The following MGAT4C variants were observed in gnomAD, a reference collection of about 807,000 sequenced individuals.
MGAT4C encodes MGAT4 family member C.
Under a neutral mutation model 40.1 loss-of-function variants are expected in MGAT4C, and 19 were observed. That is an observed-to-expected ratio of 0.47 (90% CI 0.33 to 0.70). The LOEUF is 0.70. Among genes scored for constraint, MGAT4C ranks in the 30% least tolerant of loss-of-function variants. The probability of loss-of-function intolerance (pLI) is 0.02; values close to 1 mark genes in which losing one functional copy is unlikely to be tolerated. For missense variants in MGAT4C, 491 were observed against 563.2 expected, an observed-to-expected ratio of 0.87 and a Z score of 1.30; for synonymous variants, 181 against 187.1, an observed-to-expected ratio of 0.97 and a Z score of 0.27.
At chr12:86,245,742 T>A (rs1951998398) in intron 1 of MGAT4C, among the ~76,000 whole-genome samples, 1 of 152,210 alleles carries the variant, frequency 6.6e-6, no homozygotes, top group Admixed American at 6.5e-5. Context: ...TTTTTCAAAC[T>A]ATTTTGGAAA....
At chr12:86,584,026 A>T (rs1960900053) in intron 2 of MGAT4C, among the ~76,000 whole-genome samples, 1 of 151,060 alleles carries the variant, frequency 6.6e-6, no homozygotes, top group Non-Finnish European at 1.5e-5. Flanking sequence ...ATCAGAAGAT[A>T]ATTGGCTCAT....
chr12:86,723,494 G>T (rs1358950764), intron 2 of MGAT4C, among the ~76,000 whole-genome samples: 2 of 152,126 alleles, frequency 1.3e-5, no homozygotes, highest in African/African-American at 4.8e-5. Context: ...GGGGCTCTTT[G>T]TCTGTCGCTG....
chr12:86,419,728 A>G (rs1477110959), intron 3 of MGAT4C, among the ~76,000 whole-genome samples: 1 of 152,184 alleles, frequency 6.6e-6, no homozygotes, highest in East Asian at 1.9e-4. Context: ...GTGGATGGTA[A>G]TGAAAGAAAA....
At chr12:86,727,571 T>C (rs916771014) in intron 1 of MGAT4C, among the ~76,000 whole-genome samples, 2 of 151,818 alleles carry the variant, frequency 1.3e-5, no homozygotes. Context: ...AAAAAAAAGA[T>C]ATTAATAGTA....
chr12:86,780,596 ATTG>A (rs1323804553), intron 1 of MGAT4C, among the ~76,000 whole-genome samples: 3 of 152,204 alleles, frequency 2.0e-5, no homozygotes, highest in Non-Finnish European at 2.9e-5. Flanking sequence ...TTCTGCCATG[ATTG>A]TTAAGTTTCC....
intron 2 of MGAT4C, among the ~76,000 whole-genome samples, chr12:86,671,741 C>T (rs185226956): frequency 2.0e-5 from 3 of 151,934 alleles, no homozygotes; most frequent in East Asian, 1.9e-4. Flanking sequence ...GAGAACTCAG[C>T]GAGAGGATGT....
chr12:86,211,440 A>T (rs1218712166), intron 1 of MGAT4C, among the ~76,000 whole-genome samples: 38 of 122,550 alleles, frequency 3.1e-4, no homozygotes, highest in Non-Finnish European at 5.5e-4. Context: ...AAAAAAAATT[A>T]GCCGGGCGTG....
chr12:86,499,768 A>G (rs1250761324), intron 2 of MGAT4C, among the ~76,000 whole-genome samples: 1 of 152,010 alleles, frequency 6.6e-6, no homozygotes, highest in Non-Finnish European at 1.5e-5. Context: ...ACTGTGACAC[A>G]GTAGTTTAGA....
At chr12:86,283,261 A>G (rs1953264566) in intron 4 of MGAT4C, among the ~76,000 whole-genome samples, 2 of 151,976 alleles carry the variant, frequency 1.3e-5, no homozygotes, top group South Asian at 4.1e-4. Flanking sequence ...TACTTCTCAC[A>G]TCCCTATTCT....
intron 1 of MGAT4C, among the ~76,000 whole-genome samples, chr12:86,206,925 C>T (rs1341494343): frequency 1.3e-5 from 2 of 152,022 alleles, no homozygotes; most frequent in Non-Finnish European, 2.9e-5. Context: ...AAACATTTGC[C>T]AAATAACTGC....
intron 2 of MGAT4C, among the ~76,000 whole-genome samples, chr12:86,032,763 G>C (rs1261411960): frequency 6.7e-6 from 1 of 149,640 alleles, no homozygotes; most frequent in South Asian, 2.1e-4. Flanking sequence ...AAGCTTTTCA[G>C]TTTAATTAGG....
chr12:86,769,837 G>A (rs1951595915), intron 1 of MGAT4C, among the ~76,000 whole-genome samples: 2 of 152,062 alleles, frequency 1.3e-5, no homozygotes, highest in Non-Finnish European at 2.9e-5. Context: ...GACACAGGAA[G>A]GGGAACATCA....
intron 2 of MGAT4C, among the ~76,000 whole-genome samples, chr12:86,522,970 G>A (rs369994024): frequency 6.6e-6 from 1 of 151,760 alleles, no homozygotes; most frequent in African/African-American, 2.4e-5. Context: ...ATTTCTAATT[G>A]TGTTTATCTG....
chr12:85,977,806 AC>A lies in MGAT4C; in HGVS notation c.*1482del, dbSNP rs1884114037. Reference sequence around the variant, plus strand: ...CACACACACACACACACACACACACACACACACACACACACACACACACACA... The same window carrying A: ...CACACACACACACACACACACACACAACACACACACACACACACACACACA... On this transcript the variant is annotated 3_prime_UTR_variant, in exon 5 of 5. Coordinates refer to ENST00000611864, the MANE Select transcript of MGAT4C (RefSeq NM_001351288.2). 2.3e-5 allele frequency: 3 copies of A among 130,072 alleles called. No individual in the cohort carries two copies. The highest frequency in any genetic ancestry group is 2.5e-5 in the African/African-American group (1 of 39,450). 8.1% of individuals were successfully genotyped at this position (130,072 alleles called of 1,614,324 possible).
chr12:86,774,342 T>TCA (rs1951707874), intron 1 of MGAT4C, among the ~76,000 whole-genome samples: 1 of 88,212 alleles, frequency 1.1e-5, no homozygotes, highest in South Asian at 4.7e-4. Context: ...TTTCTTTCTG[T>TCA]CTCTCTCTCT....
At chr12:86,315,599 T>C (rs978604768) in intron 4 of MGAT4C, among the ~76,000 whole-genome samples, 5 of 151,938 alleles carry the variant, frequency 3.3e-5, no homozygotes, top group African/African-American at 1.2e-4. Context: ...CCAGCAGCTC[T>C]GGAGGCTGAG....
intron 1 of MGAT4C, among the ~76,000 whole-genome samples, chr12:86,768,793 G>A (rs1026380347): frequency 1.3e-5 from 2 of 152,050 alleles, no homozygotes; most frequent in African/African-American, 4.8e-5. Context: ...AATCAATGGT[G>A]CTGGGAAAAC....
At chr12:86,659,203 T>C (rs1448137538) in intron 2 of MGAT4C, among the ~76,000 whole-genome samples, 5 of 152,080 alleles carry the variant, frequency 3.3e-5, no homozygotes, top group African/African-American at 1.2e-4. Flanking sequence ...TTTATATATT[T>C]ATTATCTTTC....
At chr12:86,225,233 A>C (rs1204133221) in intron 1 of MGAT4C, among the ~76,000 whole-genome samples, 4 of 152,114 alleles carry the variant, frequency 2.6e-5, no homozygotes, top group Non-Finnish European at 5.9e-5. Context: ...AACTTTCAAG[A>C]TTGAATCAGG....
Sources: allele counts gnomAD v4.1 joint callset (sites outside exome capture counted in the v4.1 genomes callset), GRCh38; gene constraint gnomAD v4.1.1; transcripts MANE v1.5; gene names NCBI Gene and HGNC (gene_info 2026-07-23, HGNC 2026-07-21).